The following CCDC169 variants were observed in gnomAD, a reference collection of about 807,000 sequenced individuals.
CCDC169 encodes the protein coiled-coil domain containing 169.
In CCDC169, 30 loss-of-function variants were observed where a neutral mutation model predicts 36.0. That is an observed-to-expected ratio of 0.83 (90% CI 0.62 to 1.13). CCDC169 has a LOEUF of 1.13. Among genes scored for constraint, CCDC169 ranks in the 50% most tolerant of loss-of-function variants. CCDC169 has a pLI of 0.00. For missense variants in CCDC169, 245 were observed against 245.9 expected, an observed-to-expected ratio of 1.00 and a Z score of 0.03; for synonymous variants, 85 against 81.5, an observed-to-expected ratio of 1.04 and a Z score of -0.23.
intron 2 of CCDC169, among the ~76,000 whole-genome samples, chr13:36,293,232 T>C (rs1313752033): frequency 1.3e-5 from 2 of 152,228 alleles, no homozygotes; most frequent in Non-Finnish European, 1.5e-5. Flanking sequence ...GCCTTCAGGA[T>C]AAACGTAAAT....
rs1879727179 is a variant in CCDC169 at position 36,297,812 on chromosome 13, G to A, written c.-93C>T. The A allele has an allele frequency of 4.8e-6, 6 of 1,239,686 alleles. No individual in the cohort carries two copies. The Admixed American group carries it at 1.0e-4, about 21-fold the overall frequency. 76.8% of individuals were successfully genotyped at this position (1,239,686 alleles called of 1,614,324 possible). A position where few individuals can be genotyped will look rare whatever the true frequency, so the allele number is the denominator to read the frequency against. ...CCCAGAAGCCAGTACGGCACGAGGC[G>A]GTGAACCCCAACCGCCCCCCGGTCG... On this transcript the variant is annotated 5_prime_UTR_variant, in exon 1 of 8. Coordinates refer to ENST00000239859, the MANE Select transcript of CCDC169 (RefSeq NM_001144981.3).
At chr13:36,268,648 C>CA (rs35807316) in intron 4 of CCDC169, among the ~76,000 whole-genome samples, 38,157 of 151,664 alleles carry the variant, frequency 0.25, 5,123 homozygotes, top group East Asian at 0.49. Flanking sequence ...GAAATTCAAA[C>CA]AAAAAAACCC....
At chr13:36,281,952 C>T (rs922875206) in intron 4 of CCDC169, among the ~76,000 whole-genome samples, 3 of 152,112 alleles carry the variant, frequency 2.0e-5, no homozygotes, top group African/African-American at 7.2e-5. Context: ...ATGAAGTCCA[C>T]TTTAATGATA....
Position 36,297,654 on chromosome 13 carries a change from C to T in CCDC169, c.66G>A (p.Leu22=), listed in dbSNP as rs1445815752. 6.4e-6 allele frequency: 10 copies of T among 1,550,980 alleles called. No individual in the cohort carries two copies. The highest frequency in any genetic ancestry group is 1.7e-4 in the Middle Eastern group (1 of 6,014). ...CGACTCACTTCTTGCGGACTTCTTC[C>T]AGCAACTGCTGTTTCAGGCGGTTGG... ...VSTNRLKQQL[L]EEVRKKDAVQ... The change falls in exon 1 of 8, where the codon CTG becomes CTA. Residue 22 remains leucine, a synonymous_variant. Coordinates refer to ENST00000239859, the MANE Select transcript of CCDC169 (RefSeq NM_001144981.3).
At chr13:36,294,541 T>G (rs1486780231) in intron 2 of CCDC169, among the ~76,000 whole-genome samples, 2 of 152,168 alleles carry the variant, frequency 1.3e-5, no homozygotes, top group Non-Finnish European at 2.9e-5. Context: ...TATTCCTTTT[T>G]GTTCATGGCT....
intron 4 of CCDC169, among the ~76,000 whole-genome samples, chr13:36,264,296 C>T (rs1874985842): frequency 6.6e-6 from 1 of 151,894 alleles, no homozygotes; most frequent in South Asian, 2.1e-4. Flanking sequence ...ACATGGGCTA[C>T]AGAGTCCCTA....
intron 4 of CCDC169, among the ~76,000 whole-genome samples, chr13:36,271,952 G>A (rs138169968): frequency 0.028 from 4,299 of 151,752 alleles, 80 homozygotes; most frequent in Middle Eastern, 0.051. Context: ...TGGAGTGGCA[G>A]TGCATGTCTG....
chr13:36,278,844 AT>A (rs1268906190), intron 4 of CCDC169, among the ~76,000 whole-genome samples: 1 of 152,140 alleles, frequency 6.6e-6, no homozygotes, highest in Non-Finnish European at 1.5e-5. Context: ...ATCCAAAACT[AT>A]TTTCAGTTGC....
At chr13:36,279,200 A>C (rs995567053) in intron 4 of CCDC169, among the ~76,000 whole-genome samples, 5 of 144,874 alleles carry the variant, frequency 3.5e-5, no homozygotes, top group African/African-American at 1.2e-4. Context: ...TCCTTTCTTC[A>C]TGGTGGTTGG....
chr13:36,286,602 C>T (rs1878287634), intron 2 of CCDC169, among the ~76,000 whole-genome samples: 1 of 152,116 alleles, frequency 6.6e-6, no homozygotes, highest in African/African-American at 2.4e-5. Flanking sequence ...GCACCCTGAT[C>T]TCTTTGTCTC....
At chr13:36,248,397 G>A (rs1266409073) in intron 7 of CCDC169, among the ~76,000 whole-genome samples, 1 of 151,706 alleles carries the variant, frequency 6.6e-6, no homozygotes, top group Non-Finnish European at 1.5e-5. Context: ...CGTGCTTGAG[G>A]ACCAAAAATG....
At chr13:36,268,074 A>C (rs910650156) in intron 4 of CCDC169, among the ~76,000 whole-genome samples, 2 of 152,216 alleles carry the variant, frequency 1.3e-5, no homozygotes, top group Non-Finnish European at 2.9e-5. Context: ...TCTTTCAGAC[A>C]GAAAGTCAAC....
intron 4 of CCDC169, among the ~76,000 whole-genome samples, chr13:36,262,856 G>A (rs1267867927): frequency 1.3e-5 from 2 of 152,138 alleles, no homozygotes; most frequent in African/African-American, 2.4e-5. Flanking sequence ...GCCAGTCTAT[G>A]TAAGGTCTCC....
intron 7 of CCDC169, 38 bp downstream of exon 7, chr13:36,248,568 T>C: frequency 6.5e-7 from 1 of 1,540,096 alleles, no homozygotes; most frequent in East Asian, 2.5e-5. Flanking sequence ...TATGTGCAAA[T>C]GTAACGAATT....
chr13:36,257,166 TAGAA>T (rs1873996222), intron 4 of CCDC169, among the ~76,000 whole-genome samples: 1 of 152,136 alleles, frequency 6.6e-6, no homozygotes, highest in South Asian at 2.1e-4. Context: ...GCTGTACAAA[TAGAA>T]AGTGACATTA....
At chr13:36,276,738 C>T (rs1876875748) in intron 4 of CCDC169, among the ~76,000 whole-genome samples, 1 of 152,116 alleles carries the variant, frequency 6.6e-6, no homozygotes, top group South Asian at 2.1e-4. Flanking sequence ...TTCCACTTTG[C>T]AATACAATTG....
intron 4 of CCDC169, among the ~76,000 whole-genome samples, chr13:36,256,568 G>A (rs1227378317): frequency 2.0e-5 from 3 of 152,158 alleles, no homozygotes; most frequent in African/African-American, 7.2e-5. Context: ...AATTCAAGAT[G>A]ACATTTGGGT....
intron 4 of CCDC169, among the ~76,000 whole-genome samples, chr13:36,255,560 G>C (rs534556988): frequency 3.7e-4 from 56 of 151,918 alleles, no homozygotes; most frequent in African/African-American, 1.4e-3. Flanking sequence ...TACTCGGCAG[G>C]CTGAGGAAGG....
At chr13:36,293,207 T>C (rs1409215287) in intron 2 of CCDC169, among the ~76,000 whole-genome samples, 1 of 152,172 alleles carries the variant, frequency 6.6e-6, no homozygotes, top group East Asian at 1.9e-4. Context: ...AAAACACCTT[T>C]AATATTGCCC....
Sources: allele counts gnomAD v4.1 joint callset (sites outside exome capture counted in the v4.1 genomes callset), GRCh38; gene constraint gnomAD v4.1.1; transcripts MANE v1.5; gene names NCBI Gene and HGNC (gene_info 2026-07-23, HGNC 2026-07-21).